TMTC1: variants seen among roughly 807,000 people sequenced by gnomAD.
TMTC1 encodes the protein protein O-mannosyl-transferase TMTC1.
TMTC1 carries 73 observed loss-of-function variants against 104.8 expected under a neutral mutation model. The ratio of observed to expected loss-of-function variants is 0.70; its 90% CI spans 0.58 to 0.85. TMTC1 has a LOEUF of 0.85. Among genes scored for constraint, TMTC1 ranks in the 40% least tolerant of loss-of-function variants. The pLI is 0.00. For synonymous variants in TMTC1, 434 were observed against 428.7 expected, an observed-to-expected ratio of 1.01 and a Z score of -0.15; for missense variants, 1,035 against 1,096.1, an observed-to-expected ratio of 0.94 and a Z score of 0.79.
In TMTC1 at chr12:29,506,670, G is replaced by GA; in HGVS notation, c.*175dup. On this transcript the variant is annotated 3_prime_UTR_variant, in exon 18 of 18. Coordinates refer to ENST00000539277, the MANE Select transcript of TMTC1 (RefSeq NM_001193451.2). ...GTTTGCTGTTTTCGTCTTCTTCATG[G>GA]AAAAGCAAGTCCTTCAGCACTGGGC... 2 of 698,806 alleles carry GA rather than the reference G, an allele frequency of 2.9e-6. No homozygotes were observed. 43.3% of individuals were successfully genotyped at this position (698,806 alleles called of 1,614,324 possible).
chr12:29,728,573 C>T (rs1053067208), intron 5 of TMTC1, among the ~76,000 whole-genome samples: 1 of 152,116 alleles, frequency 6.6e-6, no homozygotes, highest in African/African-American at 2.4e-5. Context: ...AGTCCTCTAT[C>T]CCTCGTCACA....
chr12:29,742,853 A>T (rs1159908703), intron 5 of TMTC1, among the ~76,000 whole-genome samples: 3 of 152,238 alleles, frequency 2.0e-5, no homozygotes, highest in South Asian at 2.1e-4. Context: ...TCCCTCTAAA[A>T]TAGTGTAAGC....
chr12:29,632,691 C>T (rs1046610380), intron 6 of TMTC1, among the ~76,000 whole-genome samples: 1 of 152,014 alleles, frequency 6.6e-6, no homozygotes, highest in Non-Finnish European at 1.5e-5. Flanking sequence ...AGTACATTTG[C>T]CTTTGGTCTT....
chr12:29,719,984 TAGTG>T (rs1181091097), intron 5 of TMTC1, among the ~76,000 whole-genome samples: 1 of 152,182 alleles, frequency 6.6e-6, no homozygotes, highest in Non-Finnish European at 1.5e-5. Flanking sequence ...ATTGACAGCT[TAGTG>T]AGTGACTTTT....
intron 5 of TMTC1, among the ~76,000 whole-genome samples, chr12:29,650,436 A>G (rs1939462729): frequency 6.6e-6 from 1 of 151,858 alleles, no homozygotes; most frequent in Non-Finnish European, 1.5e-5. Flanking sequence ...TCTCTTCCTG[A>G]GGTGAGACAC....
intron 1 of TMTC1, among the ~76,000 whole-genome samples, chr12:29,776,000 GA>G (rs1170727267): frequency 6.6e-6 from 1 of 151,928 alleles, no homozygotes; most frequent in Non-Finnish European, 1.5e-5. Flanking sequence ...ACGAAGACCA[GA>G]AAAAAATCAC....
chr12:29,606,824 C>T (rs914155887), intron 6 of TMTC1, among the ~76,000 whole-genome samples: 17 of 152,172 alleles, frequency 1.1e-4, no homozygotes, highest in African/African-American at 4.1e-4. Flanking sequence ...CACGTTCTTA[C>T]CCTTCCAACG....
intron 5 of TMTC1, among the ~76,000 whole-genome samples, chr12:29,645,466 G>T (rs1565736262): frequency 6.6e-6 from 1 of 152,130 alleles, no homozygotes. Flanking sequence ...AATCTGAAAT[G>T]TCATTGTCTT....
chr12:29,643,163 G>A (rs1033489888), intron 5 of TMTC1, among the ~76,000 whole-genome samples: 1 of 151,724 alleles, frequency 6.6e-6, no homozygotes, highest in East Asian at 1.9e-4. Flanking sequence ...GCATGGATGT[G>A]GTGAACAGGG....
intron 6 of TMTC1, among the ~76,000 whole-genome samples, chr12:29,605,222 ATT>A (rs1946667131): frequency 6.6e-6 from 1 of 152,096 alleles, no homozygotes; most frequent in Non-Finnish European, 1.5e-5. Context: ...AAAGTCTATT[ATT>A]TTTAATAATT....
At chr12:29,630,400 TCTCA>T (rs1938236820) in intron 6 of TMTC1, among the ~76,000 whole-genome samples, 1 of 152,138 alleles carries the variant, frequency 6.6e-6, no homozygotes, top group Non-Finnish European at 1.5e-5. Flanking sequence ...GTGAGAACTC[TCTCA>T]CTATCACAAG....
chr12:29,655,776 TG>T (rs1939726107), intron 5 of TMTC1, among the ~76,000 whole-genome samples: 1 of 152,160 alleles, frequency 6.6e-6, no homozygotes. Context: ...AAAGAAGGCT[TG>T]ACCAAGCTCC....
At chr12:29,563,418 G>A (rs922402881) in intron 9 of TMTC1, among the ~76,000 whole-genome samples, 2 of 152,124 alleles carry the variant, frequency 1.3e-5, no homozygotes, top group Non-Finnish European at 2.9e-5. Context: ...AGAGACAATG[G>A]TGGGCAGGAA....
intron 5 of TMTC1, among the ~76,000 whole-genome samples, chr12:29,652,282 C>T (rs142037729): frequency 2.0e-5 from 3 of 152,224 alleles, no homozygotes; most frequent in East Asian, 1.9e-4. Flanking sequence ...CACTCAAGAA[C>T]GTGGGAAAGA....
At chr12:29,645,989 G>A (rs1939249881) in intron 5 of TMTC1, among the ~76,000 whole-genome samples, 1 of 152,184 alleles carries the variant, frequency 6.6e-6, no homozygotes, top group Non-Finnish European at 1.5e-5. Flanking sequence ...AATTCCCACT[G>A]CAAGCATATA....
chr12:29,649,941 T>G (rs1565739529), intron 5 of TMTC1, among the ~76,000 whole-genome samples: 1 of 152,226 alleles, frequency 6.6e-6, no homozygotes, highest in Non-Finnish European at 1.5e-5. Context: ...TATCAGGCTC[T>G]GAGCCAAAGC....
At position 29,783,340 on chromosome 12, in the gene TMTC1, G is replaced by T; in HGVS notation, c.302+110C>A. 1.0e-6 allele frequency: 1 copy of T among 992,224 alleles called. No homozygotes were observed. The highest frequency in any genetic ancestry group is 1.3e-6 in the Non-Finnish European group (1 of 764,176). The allele number at this position is 992,224 out of a possible 1,614,324, so 61.5% of individuals were successfully genotyped here. A position where few individuals can be genotyped will look rare whatever the true frequency, so the allele number is the denominator to read the frequency against. ...GAGAGGAGGGAGGCGTGGAGGGAAA[G>T]GGCGGCAAAAATGAAATGCCCCCAA... On this transcript the variant is annotated intron_variant, in intron 1 of 17. Transcript: ENST00000539277. This position sits in a 1 kb window ranked among gnomAD's most constrained non-coding sequence, Gnocchi z 4.7.
At chr12:29,516,298 C>T (rs1224071898) in intron 15 of TMTC1, 51 bp downstream of exon 15, 1 of 1,571,404 alleles carries the variant, frequency 6.4e-7, no homozygotes, top group East Asian at 2.3e-5. Flanking sequence ...TTAGGTGCAC[C>T]CCATGTTTAA....
Position 29,503,047 on chromosome 12 carries a change from G to T in TMTC1, c.*3799C>A, listed in dbSNP as rs1055441144. ...CAGTTATTGTGGGTCAGTTTTGATA[G>T]GACAGTTTGGATTTTCTCATTTAGT... On this transcript the variant is annotated 3_prime_UTR_variant, in exon 18 of 18. Transcript: ENST00000539277. 4 of 152,206 alleles carry T rather than the reference G, an allele frequency of 2.6e-5. No individual in the cohort carries two copies. The highest frequency in any genetic ancestry group is 6.5e-5 in the Admixed American group (1 of 15,278). 9.4% of individuals were successfully genotyped at this position (152,206 alleles called of 1,614,324 possible). A position where few individuals can be genotyped will look rare whatever the true frequency, so the allele number is the denominator to read the frequency against.
Sources: gnomAD v4.1 joint callset for allele counts (sites outside exome capture counted in the v4.1 genomes callset) on GRCh38, gnomAD v4.1.1 for gene constraint, Gnocchi (gnomAD v3.1) non-coding constraint, MANE v1.5 for transcripts, NCBI Gene and HGNC (gene_info 2026-07-23, HGNC 2026-07-21) for gene names.